CELSR1: variants seen among roughly 807,000 people sequenced by gnomAD.
The protein encoded by CELSR1 is cadherin EGF LAG seven-pass G-type receptor 1.
A neutral mutation model predicts 249.1 loss-of-function variants in CELSR1; 110 were observed. That is an observed-to-expected ratio of 0.44 (90% CI 0.38 to 0.52). The LOEUF (loss-of-function observed/expected upper bound fraction) is 0.52, where lower values mean the gene tolerates loss of function less well. Ranked by LOEUF, CELSR1 falls within the 20% of genes least tolerant of loss-of-function variation. The pLI is 0.00. For synonymous variants in CELSR1, 2,113 were observed against 1,900.0 expected (o/e 1.11, Z -2.92); for missense variants, 4,109 against 4,296.4 (o/e 0.96, Z 1.22).
Position 46,386,676 on chromosome 22 carries a change from A to C in CELSR1, c.6556-91T>G, listed in dbSNP as rs550825568. 8 of 1,048,906 alleles carry C rather than the reference A, an allele frequency of 7.6e-6. No homozygotes were observed. The Admixed American group carries it at 2.5e-4, about 33-fold the overall frequency. 65.0% of individuals were successfully genotyped at this position (1,048,906 alleles called of 1,614,324 possible). A position where few individuals can be genotyped will look rare whatever the true frequency, so the allele number is the denominator to read the frequency against. On this transcript the variant is annotated intron_variant, in intron 18 of 34. Coordinates refer to ENST00000674500, the MANE Select transcript of CELSR1 (RefSeq NM_001378328.1). ...CTGCCCTGAAAGCCTTTGCTTGCCT[A>C]GTGGGCTCATTCATTCATTCCAGCC...
At chr22:46,373,690 G>C (rs1253715285) in intron 24 of CELSR1, among the ~76,000 whole-genome samples, 1 of 121,264 alleles carries the variant, frequency 8.2e-6, no homozygotes, top group African/African-American at 3.4e-5. Context: ...GGAGATGGGG[G>C]AGAAGGGGGA....
In CELSR1 at chr22:46,408,973, T is replaced by A. The variant is rs781536396; in HGVS notation, c.5226+23A>T. 1 of 1,583,582 alleles carries A rather than the reference T, an allele frequency of 6.3e-7. No homozygotes were observed. Among genetic ancestry groups the A allele is most frequent in the Non-Finnish European group, 8.6e-7 (1 of 1,166,130 alleles). On this transcript the variant is annotated intron_variant, in intron 9 of 34. Transcript: ENST00000674500. The surrounding 1 kb of genome is among the most constrained non-coding windows in gnomAD (Gnocchi z 4.6). ...TCGGGCACCCACCTAGCAGGTGCCTTGGTGGCACGGGGCCCCAGTCACCTG... is the reference window on the plus strand; with the variant it reads ...TCGGGCACCCACCTAGCAGGTGCCTAGGTGGCACGGGGCCCCAGTCACCTG...
At chr22:46,418,674 A>G (rs1486949008) in intron 5 of CELSR1, among the ~76,000 whole-genome samples, 1 of 152,124 alleles carries the variant, frequency 6.6e-6, no homozygotes. Context: ...CTGGCCCGCC[A>G]TTTCCTCCAT....
At chr22:46,404,883 G>A (rs2079248783) in intron 9 of CELSR1, among the ~76,000 whole-genome samples, 1 of 152,064 alleles carries the variant, frequency 6.6e-6, no homozygotes, top group East Asian at 1.9e-4. Flanking sequence ...GGAGTACAGT[G>A]GTATAACCTT....
intron 3 of CELSR1, among the ~76,000 whole-genome samples, chr22:46,438,961 T>C (rs898964975): frequency 1.7e-4 from 26 of 152,200 alleles, no homozygotes; most frequent in African/African-American, 6.3e-4. Flanking sequence ...TTTTGCCATG[T>C]TGACTAGGCT....
In CELSR1 at chr22:46,469,690, A is replaced by G. The variant is rs1368191372; in HGVS notation, c.3545-5345T>C. ...ACCACCACGCCTGGCTAATTTTTGT[A>G]TTTTTAGTAGACGAGGTTTCACCAC... On this transcript the variant is annotated intron_variant, in intron 1 of 34. Coordinates refer to ENST00000674500, the MANE Select transcript of CELSR1 (RefSeq NM_001378328.1). Among the ~76,000 whole-genome samples the G allele has an allele frequency of 2.0e-5, 3 of 151,268 alleles. No individual in the cohort carries two copies. The East Asian group carries it at 6.0e-4, about 30-fold the overall frequency.
rs4823839 is a variant in CELSR1, at chr22:46,517,877, T to C, written c.3544+15750A>G. Among the ~76,000 whole-genome samples the C allele has an allele frequency of 0.75, 112,605 of 150,646 alleles. 42,604 individuals are homozygous for C. Among genetic ancestry groups the C allele is most frequent in the East Asian group, 0.87 (4,405 of 5,072 alleles). On this transcript the variant is annotated intron_variant, in intron 1 of 34. Coordinates refer to ENST00000674500, the MANE Select transcript of CELSR1 (RefSeq NM_001378328.1). This position sits in a 1 kb window ranked among gnomAD's most constrained non-coding sequence, Gnocchi z 5.4. ...ACCCTGTGTCCCCATATTCTGTTTA[T>C]TACACACCTCCCACGGTGTCCCCTT...
intron 18 of CELSR1, among the ~76,000 whole-genome samples, chr22:46,387,953 C>T (rs964459867): frequency 2.0e-5 from 3 of 152,184 alleles, no homozygotes; most frequent in African/African-American, 7.2e-5. Context: ...ATGTGGACAG[C>T]TCCTCCGAGG....
chr22:46,367,469 G>T (rs187976815), intron 28 of CELSR1, among the ~76,000 whole-genome samples: 5 of 152,322 alleles, frequency 3.3e-5, no homozygotes, highest in Admixed American at 3.3e-4. Context: ...ACTAGAAATG[G>T]CCACTTCTGT....
rs2080639420 is a variant in CELSR1, at chr22:46,517,413, C to T, written c.3544+16214G>A. Among the ~76,000 whole-genome samples the T allele has an allele frequency of 6.6e-6, 1 of 152,222 alleles. No homozygotes were observed. On this transcript the variant is annotated intron_variant, in intron 1 of 34. Transcript: ENST00000674500. The surrounding 1 kb of genome is among the most constrained non-coding windows in gnomAD (Gnocchi z 5.4). The stretch of plus-strand genomic sequence containing the variant: ...ACGGGGTCATCCCGGCCTGGTTTTC[C>T]CCCAAAACAGACTCCATCTGGCACT...
chr22:46,398,483 G>T lies in CELSR1; in HGVS notation c.5526+41C>A. 2 of 1,454,274 alleles carry T rather than the reference G, an allele frequency of 1.4e-6. No homozygotes were observed. The highest frequency in any genetic ancestry group is 1.2e-5 in the South Asian group (1 of 81,214). The allele number at this position is 1,454,274 out of a possible 1,614,324, so 90.1% of individuals were successfully genotyped here. ...TGCTGCCAGCCTCGGAGCTGCCTGTGAGGGGCAGGCCTCCCCCCGCCCCCC... is the reference window on the plus strand; with the variant it reads ...TGCTGCCAGCCTCGGAGCTGCCTGTTAGGGGCAGGCCTCCCCCCGCCCCCC... On this transcript the variant is annotated intron_variant, in intron 11 of 34. Coordinates refer to ENST00000674500, the MANE Select transcript of CELSR1 (RefSeq NM_001378328.1). The surrounding 1 kb of genome is among the most constrained non-coding windows in gnomAD (Gnocchi z 7.2).
Position 46,409,202 on chromosome 22 carries a change from A to G in CELSR1, c.5060-40T>C. ...CCAGGGACCTCAGGTGTCTCCCGAA[A>G]TCACACGGCCGCGGACTTGGCTGCA... On this transcript the variant is annotated intron_variant, in intron 8 of 34. Coordinates refer to ENST00000674500, the MANE Select transcript of CELSR1 (RefSeq NM_001378328.1). This position sits in a 1 kb window ranked among gnomAD's most constrained non-coding sequence, Gnocchi z 9.8. 6.2e-7 allele frequency: 1 copy of G among 1,602,318 alleles called. No homozygotes were observed. The highest frequency in any genetic ancestry group is 8.5e-7 in the Non-Finnish European group (1 of 1,175,584).
rs1357071318 is a variant in CELSR1 at position 46,484,350 on chromosome 22, TCG to T, written c.3545-20007_3545-20006del. 6.6e-6 allele frequency among the ~76,000 whole-genome samples: 1 copy of T among 152,058 alleles called. No individual in the cohort carries two copies. The highest frequency in any genetic ancestry group is 1.5e-5 in the Non-Finnish European group (1 of 68,002). On this transcript the variant is annotated intron_variant, in intron 1 of 34. Coordinates refer to ENST00000674500, the MANE Select transcript of CELSR1 (RefSeq NM_001378328.1). This position sits in a 1 kb window ranked among gnomAD's most constrained non-coding sequence, Gnocchi z 4.5. ...AGCCCAGCCCATGGTGGCAGCTGCC[TCG>T]GGCCCAGCCCTCCTCAGAAATGCAG...
rs767149201 is a variant in CELSR1 at position 46,439,268 on chromosome 22, T to G, written c.4327A>C (p.Thr1443Pro). 7 of 1,613,848 alleles carry G rather than the reference T, an allele frequency of 4.3e-6. No individual in the cohort carries two copies. Among genetic ancestry groups the G allele is most frequent in the Non-Finnish European group, 5.9e-6 (7 of 1,179,930 alleles). ...GEYERPYCEV[T>P]TRSFPPQSFV... ...GACTGGGGCGGGAAGCTCCTGGTGG[T>G]CACCTCACAGTAGGGCCTCTCATAC... is the stretch of plus-strand genomic sequence containing the variant. The change falls in exon 3 of 35, where the codon ACC (threonine) becomes CCC (proline). Residue 1443 changes from threonine (T) to proline (P), a missense_variant. By Grantham distance (38) the Thr-to-Pro change is conservative. Coordinates refer to ENST00000674500, the MANE Select transcript of CELSR1 (RefSeq NM_001378328.1).
chr22:46,492,433 T>C (rs955559216), intron 1 of CELSR1, among the ~76,000 whole-genome samples: 4 of 152,320 alleles, frequency 2.6e-5, no homozygotes, highest in African/African-American at 9.6e-5. Flanking sequence ...GGACAGAAAT[T>C]ACCTCTTTTT....
rs1236568270 is a variant in CELSR1 at position 46,454,950 on chromosome 22, C to G, written c.4183+8757G>C. On this transcript the variant is annotated intron_variant, in intron 2 of 34. Transcript: ENST00000674500. This position sits in a 1 kb window ranked among gnomAD's most constrained non-coding sequence, Gnocchi z 5.1. ...GAAATAGGGTCTTTGTAGAGGTAAT[C>G]GACTTAGGATGAGATCATTAGGGTG... Among the ~76,000 whole-genome samples the G allele has an allele frequency of 6.6e-6, 1 of 152,226 alleles. No individual in the cohort carries two copies. The highest frequency in any genetic ancestry group is 1.5e-5 in the Non-Finnish European group (1 of 68,050).
intron 2 of CELSR1, among the ~76,000 whole-genome samples, chr22:46,444,420 G>A (rs2079793310): frequency 1.3e-5 from 2 of 152,194 alleles, no homozygotes; most frequent in African/African-American, 2.4e-5. Context: ...GCCCCCGAGG[G>A]GGGCACCTCT....
chr22:46,387,257 CT>C (rs2079043075), intron 18 of CELSR1, among the ~76,000 whole-genome samples: 1 of 152,184 alleles, frequency 6.6e-6, no homozygotes, highest in Non-Finnish European at 1.5e-5. Context: ...AAAAAATCAA[CT>C]ACATGACATA....
chr22:46,478,799 G>A (rs538916650), intron 1 of CELSR1, among the ~76,000 whole-genome samples: 10 of 151,368 alleles, frequency 6.6e-5, no homozygotes, highest in South Asian at 2.1e-4. Flanking sequence ...TGATCTGTCC[G>A]CCTCGGCCTC....
Sources: allele counts gnomAD v4.1 joint callset (sites outside exome capture counted in the v4.1 genomes callset), GRCh38; gene constraint gnomAD v4.1.1; non-coding constraint Gnocchi (gnomAD v3.1); transcripts MANE v1.5; gene names NCBI Gene and HGNC (gene_info 2026-07-23, HGNC 2026-07-21).